ZFHX3: variants seen among roughly 807,000 people sequenced by gnomAD.
ZFHX3 encodes zinc finger homeobox 3, also known as zinc finger homeobox protein 3.
A neutral mutation model predicts 279.1 loss-of-function variants in ZFHX3; 42 were observed. The ratio of observed to expected loss-of-function variants is 0.15; its 90% confidence interval spans 0.12 to 0.19. The LOEUF is 0.19. ZFHX3 is among the 10% of genes least tolerant of loss of function. The pLI, the probability that ZFHX3 is intolerant of heterozygous loss-of-function variation, is 1.00. For synonymous variants in ZFHX3, 2,293 were observed against 1,957.8 expected, an observed-to-expected ratio of 1.17 and a Z score of -4.52; for missense variants, 4,981 against 4,754.0, an observed-to-expected ratio of 1.05 and a Z score of -1.40.
chr16:73,695,230 C>T (rs1409488890), intron 1 of ZFHX3, among the ~76,000 whole-genome samples: 1 of 137,272 alleles, frequency 7.3e-6, no homozygotes, highest in Non-Finnish European at 1.5e-5. Context: ...AATTCAAATA[C>T]AGTTTTTTTT....
At chr16:73,778,236 T>TAAAAAAAAAAAAAAAAAAAAAAAAAAA (rs10654824) in intron 1 of ZFHX3, among the ~76,000 whole-genome samples, 1 of 58,706 alleles carries the variant, frequency 1.7e-5, no homozygotes, top group African/African-American at 7.9e-5. Context: ...GAAGGAGTGT[T>TAAAAAAAAAAAAAAAAAAAAAAAAAAA]AAAAAAAAAA....
chr16:73,206,122 C>T (rs553983803), intron 5 of ZFHX3, among the ~76,000 whole-genome samples: 2 of 152,234 alleles, frequency 1.3e-5, no homozygotes, highest in Admixed American at 6.5e-5. Context: ...TAAAAACTAC[C>T]GTCAACTCTT....
At chr16:73,535,739 C>CGA (rs2019889531) in intron 2 of ZFHX3, among the ~76,000 whole-genome samples, 1 of 62,988 alleles carries the variant, frequency 1.6e-5, no homozygotes, top group African/African-American at 6.4e-5. Context: ...TTTTTTTTTT[C>CGA]TTAGAAGGAG....
chr16:73,259,803 G>T (rs1194232672), intron 4 of ZFHX3, among the ~76,000 whole-genome samples: 3 of 152,052 alleles, frequency 2.0e-5, no homozygotes, highest in Admixed American at 2.0e-4. Flanking sequence ...TATATTATAT[G>T]CACACGCATT....
intron 4 of ZFHX3, among the ~76,000 whole-genome samples, chr16:72,870,604 G>A (rs13334344): frequency 0.03 from 4,482 of 150,586 alleles, 243 homozygotes; most frequent in African/African-American, 0.1. Context: ...CTTAGTCCCA[G>A]CTACTTGGGA....
rs147421170 is a variant in ZFHX3, at chr16:72,877,121, C to G, written c.3448+12610G>C. The stretch of plus-strand genomic sequence containing the variant: ...GCTCAGAGAAAACAGCCCGGTATGG[C>G]ACAAATCTCCCCGGTCTTATGTGTT... On this transcript the variant is annotated intron_variant, in intron 4 of 9. Coordinates refer to ENST00000268489, the MANE Select transcript of ZFHX3 (RefSeq NM_006885.4). Among the ~76,000 whole-genome samples the G allele has an allele frequency of 7.0e-3, 1,070 of 152,296 alleles. 4 individuals are homozygous for G. The highest frequency in any genetic ancestry group is 0.031 in the Middle Eastern group (9 of 294).
chr16:73,453,787 T>C (rs1046127568), intron 3 of ZFHX3, among the ~76,000 whole-genome samples: 4 of 152,224 alleles, frequency 2.6e-5, no homozygotes, highest in Non-Finnish European at 5.9e-5. Flanking sequence ...AAGCATGTCT[T>C]ACATGGCGGC....
At chr16:73,593,288 T>A (rs2052017199) in intron 2 of ZFHX3, among the ~76,000 whole-genome samples, 1 of 151,954 alleles carries the variant, frequency 6.6e-6, no homozygotes, top group Non-Finnish European at 1.5e-5. Flanking sequence ...TAGCAAAACC[T>A]GGATGTCAAA....
intron 1 of ZFHX3, among the ~76,000 whole-genome samples, chr16:73,042,484 T>G (rs1597127624): frequency 6.6e-6 from 1 of 152,010 alleles, no homozygotes; most frequent in East Asian, 1.9e-4. Flanking sequence ...TTCTTTTGCC[T>G]CCTCCTTCCT....
At chr16:73,848,149 T>A (rs1013007493) in intron 1 of ZFHX3, among the ~76,000 whole-genome samples, 3 of 152,006 alleles carry the variant, frequency 2.0e-5, no homozygotes, top group African/African-American at 7.2e-5. Context: ...AGTCTAGACA[T>A]GGGCTAATTT....
intron 3 of ZFHX3, among the ~76,000 whole-genome samples, chr16:72,892,973 C>T (rs759137123): frequency 3.3e-5 from 5 of 152,106 alleles, no homozygotes; most frequent in Admixed American, 1.3e-4. Context: ...AGCTAGCCCA[C>T]GTCCCTTCCC....
chr16:72,923,431 T>A (rs1430518487), intron 3 of ZFHX3, among the ~76,000 whole-genome samples: 2 of 140,900 alleles, frequency 1.4e-5, no homozygotes, highest in Admixed American at 7.6e-5. Context: ...GGCGACAGAG[T>A]GAGACCTGTC....
chr16:73,313,348 G>T (rs1030807515), intron 4 of ZFHX3, among the ~76,000 whole-genome samples: 1 of 152,110 alleles, frequency 6.6e-6, no homozygotes, highest in African/African-American at 2.4e-5. Flanking sequence ...GACGAATACA[G>T]CCAGATTCTG....
rs2018293742 is a variant in ZFHX3 at position 73,452,427 on chromosome 16, A to G, written c.-1291+3576T>C. 3.9e-5 allele frequency among the ~76,000 whole-genome samples: 6 copies of G among 152,122 alleles called. No homozygotes were observed. In the South Asian group the frequency reaches 1.2e-3, roughly 32 times the overall value. On this transcript the variant is annotated intron_variant, in intron 3 of 17. Coordinates refer to the ZFHX3 transcript ENST00000641206. The stretch of plus-strand genomic sequence containing the variant: ...TTTAATCACATTAAAAATATAATGA[A>G]CTCTTCTAGCTGGCAGAAAGACACT...
At chr16:73,811,064 G>T (rs1487454406) in intron 1 of ZFHX3, among the ~76,000 whole-genome samples, 1 of 151,898 alleles carries the variant, frequency 6.6e-6, no homozygotes, top group Non-Finnish European at 1.5e-5. Flanking sequence ...AAAATACAAA[G>T]ATATCAAATA....
At chr16:73,144,116 G>C (rs965207399) in intron 5 of ZFHX3, among the ~76,000 whole-genome samples, 6 of 152,122 alleles carry the variant, frequency 3.9e-5, no homozygotes, top group Non-Finnish European at 8.8e-5. Context: ...CCAACCTCAA[G>C]ACAGCATCTG....
intron 2 of ZFHX3, among the ~76,000 whole-genome samples, chr16:73,528,509 G>A (rs1452182872): frequency 1.3e-5 from 2 of 152,190 alleles, no homozygotes; most frequent in South Asian, 2.1e-4. Context: ...TACAATCCCA[G>A]CAGGGAAATT....
chr16:72,806,258 A>G (rs1004597242), intron 7 of ZFHX3, among the ~76,000 whole-genome samples: 24 of 152,232 alleles, frequency 1.6e-4, no homozygotes, highest in Non-Finnish European at 2.9e-4. Flanking sequence ...ACATTCATGT[A>G]GGCTGGAAAC....
At chr16:72,866,941 A>C (rs1230622545) in intron 4 of ZFHX3, among the ~76,000 whole-genome samples, 2 of 152,254 alleles carry the variant, frequency 1.3e-5, no homozygotes, top group Non-Finnish European at 2.9e-5. Flanking sequence ...AGATTCCCTA[A>C]ATTATCATCT....
Sources: allele counts gnomAD v4.1 joint callset (sites outside exome capture counted in the v4.1 genomes callset), GRCh38; gene constraint gnomAD v4.1.1; transcripts MANE v1.5; gene names NCBI Gene and HGNC (gene_info 2026-07-23, HGNC 2026-07-21).